The following MACF1 variants were observed in gnomAD, a reference collection of about 807,000 sequenced individuals.
MACF1 encodes the protein microtubule actin crosslinking factor 1, also known as microtubule-actin cross-linking factor 1.
Under a neutral mutation model 854.8 loss-of-function variants are expected in MACF1, and 193 were observed. The ratio of observed to expected loss-of-function variants is 0.23; its 90% confidence interval spans 0.20 to 0.25. The LOEUF is 0.25. Ranked by LOEUF, MACF1 falls within the 10% of genes least tolerant of loss-of-function variation. The pLI is 1.00. For missense variants in MACF1, 7,722 were observed against 8,929.1 expected (o/e 0.86, Z 5.45); for synonymous variants, 3,185 against 3,226.7 (o/e 0.99, Z 0.44).
chr1:39,282,101 C>T, intron 6 of MACF1, 107 bp from the exon 7 acceptor site: 1 of 1,145,060 alleles, frequency 8.7e-7, no homozygotes, highest in Non-Finnish European at 1.2e-6. Flanking sequence ...AAAGTGCTTC[C>T]AGCCTTGGAC....
chr1:39,337,449 T>A, intron 38 of MACF1, 118 bp downstream of exon 38: 1 of 941,336 alleles, frequency 1.1e-6, no homozygotes, highest in Non-Finnish European at 1.5e-6. Context: ...GTAAACAATC[T>A]CAGACCCTTG....
intron 42 of MACF1, among the ~76,000 whole-genome samples, chr1:39,349,843 T>A (rs989016149): frequency 5.3e-5 from 8 of 152,190 alleles, no homozygotes; most frequent in African/African-American, 1.9e-4. Flanking sequence ...TTGCCAAAGC[T>A]GGTCTCGAAC....
intron 5 of MACF1, among the ~76,000 whole-genome samples, chr1:39,255,274 G>A (rs552691366): frequency 6.6e-6 from 1 of 152,242 alleles, no homozygotes; most frequent in South Asian, 2.1e-4. Flanking sequence ...AGCACAAGTG[G>A]TGTGGCCATC....
At chr1:39,217,663 G>A (rs1024594124) in intron 1 of MACF1, among the ~76,000 whole-genome samples, 1 of 151,970 alleles carries the variant, frequency 6.6e-6, no homozygotes, top group South Asian at 2.1e-4. Context: ...CGGATCAGTT[G>A]AGGTCAAGAG....
intron 58 of MACF1, among the ~76,000 whole-genome samples, chr1:39,393,181 T>TAAAAAAAAAAAAAAAAA (rs1192045357): frequency 1.1e-5 from 1 of 90,266 alleles, no homozygotes; most frequent in Non-Finnish European, 2.1e-5. Flanking sequence ...CTGGGAAGGG[T>TAAAAAAAAAAAAAAAAA]AAAAAAAAAA....
At chr1:39,433,350 A>G (rs1285281458) in intron 68 of MACF1, among the ~76,000 whole-genome samples, 195 bp downstream of exon 68, 4 of 152,234 alleles carry the variant, frequency 2.6e-5, no homozygotes, top group African/African-American at 9.6e-5. Flanking sequence ...CAGCCATCCT[A>G]TATAATGTGA....
At chr1:39,434,246 G>C (rs1643924249) in intron 68 of MACF1, among the ~76,000 whole-genome samples, 168 bp from the exon 69 acceptor site, 2 of 151,906 alleles carry the variant, frequency 1.3e-5, no homozygotes, top group Non-Finnish European at 2.9e-5. Flanking sequence ...GAAAATTTCA[G>C]ATAAGTATGA....
intron 58 of MACF1, chr1:39,411,094 C>A (rs1212110888): frequency 6.2e-7 from 1 of 1,613,426 alleles, no homozygotes; most frequent in Non-Finnish European, 8.5e-7. Flanking sequence ...GAAGCAGCAC[C>A]CCCTTGGGGA....
intron 42 of MACF1, 99 bp downstream of exon 42, chr1:39,349,726 G>A: frequency 3.9e-6 from 5 of 1,285,538 alleles, no homozygotes; most frequent in South Asian, 1.6e-5. Flanking sequence ...TCGATCTCCT[G>A]GGCTCAGGCA....
chr1:39,224,413 C>T (rs935880174), intron 1 of MACF1, among the ~76,000 whole-genome samples: 2 of 151,924 alleles, frequency 1.3e-5, no homozygotes, highest in Non-Finnish European at 2.9e-5. Flanking sequence ...AATGGAATCT[C>T]AGATTCAAGA....
At chr1:39,402,703 T>C (rs1642524456) in intron 58 of MACF1, among the ~76,000 whole-genome samples, 3 of 152,318 alleles carry the variant, frequency 2.0e-5, no homozygotes, top group South Asian at 4.1e-4. Flanking sequence ...CCAACACCCA[T>C]CACTGTGCTG....
chr1:39,263,771 C>CTTTTTTTTTT lies in MACF1; in HGVS notation c.528+5754_528+5763dup, dbSNP rs11453750. 7.5e-3 allele frequency among the ~76,000 whole-genome samples: 755 copies of CTTTTTTTTTT among 100,200 alleles called. 9 individuals are homozygous for CTTTTTTTTTT. Among genetic ancestry groups the CTTTTTTTTTT allele is most frequent in the African/African-American group, 0.011 (269 of 24,406 alleles). The allele number at this position is 100,200 out of a possible 152,430, so 65.7% of individuals were successfully genotyped here. Reference sequence around the variant, plus strand: ...CTTTCTTTCATCTTTTTTCTTTTTTCTTTTTTTTTTTTTTTTTTTTGAGAC... The same window carrying CTTTTTTTTTT: ...CTTTCTTTCATCTTTTTTCTTTTTTCTTTTTTTTTTTTTTTTTTTTTTTTTTTTTTGAGAC... On this transcript the variant is annotated intron_variant, in intron 6 of 100. Coordinates refer to ENST00000564288, the MANE Select transcript of MACF1 (RefSeq NM_001394062.1).
At chr1:39,257,730 G>T in intron 5 of MACF1, 1 of 518,252 alleles carries the variant, frequency 1.9e-6, no homozygotes. Context: ...TGATTACAAG[G>T]AGGGGGCCAG....
At chr1:39,204,341 C>T (rs1644426247), upstream of MACF1, 1 of 152,244 alleles carries the variant, frequency 6.6e-6, no homozygotes, top group Non-Finnish European at 1.5e-5. Flanking sequence ...CCTCGCTGAT[C>T]TTCATCACAC....
chr1:39,394,070 C>T (rs1642171742), intron 58 of MACF1, among the ~76,000 whole-genome samples: 1 of 152,084 alleles, frequency 6.6e-6, no homozygotes, highest in Non-Finnish European at 1.5e-5. Flanking sequence ...TGAGGCTGGG[C>T]TGCTGGGTTC....
chr1:39,183,525 A>G (rs1644130334), intron 2 of MACF1, among the ~76,000 whole-genome samples: 1 of 152,194 alleles, frequency 6.6e-6, no homozygotes, highest in Non-Finnish European at 1.5e-5. Flanking sequence ...CTGTTGCCCC[A>G]AATCTTCAAG....
chr1:39,440,083 T>A (rs2148663106), intron 72 of MACF1, among the ~76,000 whole-genome samples: 1 of 105,352 alleles, frequency 9.5e-6, no homozygotes, highest in South Asian at 2.7e-4. Context: ...CTATTTTTCT[T>A]TTCTTTTCTT....
At chr1:39,411,577 G>A (rs1378854959) in intron 58 of MACF1, 1 of 1,613,668 alleles carries the variant, frequency 6.2e-7, no homozygotes, top group Admixed American at 1.7e-5. Context: ...AACTGCTCAG[G>A]GGTTAGAGGG....
At chr1:39,449,199 G>GTTA (rs1384331084) in intron 84 of MACF1, among the ~76,000 whole-genome samples, 8 of 152,146 alleles carry the variant, frequency 5.3e-5, no homozygotes, top group African/African-American at 1.9e-4. Flanking sequence ...AACCACTGAG[G>GTTA]TGGGTACCAT....
Sources: gnomAD v4.1 joint callset for allele counts (sites outside exome capture counted in the v4.1 genomes callset) on GRCh38, gnomAD v4.1.1 for gene constraint, MANE v1.5 for transcripts, NCBI Gene and HGNC (gene_info 2026-07-23, HGNC 2026-07-21) for gene names.